The following ZNF385D variants were observed in gnomAD, a reference collection of about 807,000 sequenced individuals.
ZNF385D encodes the protein zinc finger protein 385D.
ZNF385D carries 15 observed loss-of-function variants against 35.8 expected under a neutral mutation model. The ratio of observed to expected loss-of-function variants is 0.42; its 90% CI spans 0.28 to 0.64. ZNF385D has a LOEUF of 0.64. ZNF385D is among the 30% of genes least tolerant of loss of function. The pLI is 0.23. For synonymous variants in ZNF385D, 212 were observed against 186.8 expected, an observed-to-expected ratio of 1.13 and a Z score of -1.10; for missense variants, 474 against 494.6, an observed-to-expected ratio of 0.96 and a Z score of 0.39.
intron 2 of ZNF385D, among the ~76,000 whole-genome samples, chr3:22,273,721 G>A (rs763643107): frequency 3.3e-5 from 5 of 152,002 alleles, no homozygotes; most frequent in African/African-American, 1.2e-4. Flanking sequence ...AAGAAAAACA[G>A]ACATATTTAC....
chr3:22,326,225 A>AGAATG (rs1235316013), intron 2 of ZNF385D, among the ~76,000 whole-genome samples: 1 of 152,214 alleles, frequency 6.6e-6, no homozygotes, highest in Non-Finnish European at 1.5e-5. Context: ...CTCAGATAAA[A>AGAATG]GAATGTCTCC....
At chr3:21,522,500 C>T (rs1156312545) in intron 3 of ZNF385D, among the ~76,000 whole-genome samples, 2 of 152,134 alleles carry the variant, frequency 1.3e-5, no homozygotes, top group Non-Finnish European at 2.9e-5. Context: ...CCACCACACC[C>T]AGCTAATTAT....
chr3:21,857,762 G>A (rs1696808969), intron 3 of ZNF385D, among the ~76,000 whole-genome samples: 1 of 151,992 alleles, frequency 6.6e-6, no homozygotes, highest in East Asian at 2.0e-4. Flanking sequence ...ACAACGGGAA[G>A]CAGAGGTCAA....
chr3:21,545,483 A>G (rs1238126959), intron 3 of ZNF385D, among the ~76,000 whole-genome samples: 1 of 152,218 alleles, frequency 6.6e-6, no homozygotes, highest in Non-Finnish European at 1.5e-5. Flanking sequence ...AAAGTTTTTT[A>G]ATAAATAAGG....
At chr3:22,260,061 C>G (rs1257131667) in intron 2 of ZNF385D, among the ~76,000 whole-genome samples, 1 of 151,876 alleles carries the variant, frequency 6.6e-6, no homozygotes, top group Non-Finnish European at 1.5e-5. Flanking sequence ...AAAACACAAT[C>G]AATTAGATTA....
chr3:21,522,690 T>C (rs577163210), intron 3 of ZNF385D, among the ~76,000 whole-genome samples: 1 of 152,208 alleles, frequency 6.6e-6, no homozygotes, highest in Admixed American at 6.5e-5. Context: ...CTAGATTAAC[T>C]CTTGGAGGGA....
chr3:21,583,125 A>AAATACAGTGCTGTTGGGTGAT (rs1397192373), intron 2 of ZNF385D, among the ~76,000 whole-genome samples: 5 of 152,132 alleles, frequency 3.3e-5, no homozygotes, highest in Admixed American at 3.3e-4. Context: ...GAAAAACACA[A>AAATACAGTGCTGTTGGGTGAT]AATACAGTGC....
chr3:21,444,453 C>T (rs1451332450), intron 4 of ZNF385D, among the ~76,000 whole-genome samples: 1 of 149,826 alleles, frequency 6.7e-6, no homozygotes, highest in Non-Finnish European at 1.5e-5. Flanking sequence ...GGCGCAATCC[C>T]GGCTCACTGC....
intron 3 of ZNF385D, among the ~76,000 whole-genome samples, chr3:22,163,558 T>C (rs941592362): frequency 6.6e-6 from 1 of 152,160 alleles, no homozygotes; most frequent in Non-Finnish European, 1.5e-5. Context: ...TAGTATATAA[T>C]AGACTATGCC....
intron 7 of ZNF385D, among the ~76,000 whole-genome samples, chr3:21,423,387 C>G (rs1700833501): frequency 6.6e-6 from 1 of 152,154 alleles, no homozygotes; most frequent in South Asian, 2.1e-4. Context: ...AGCTCTGAGT[C>G]TCTCTGATGA....
chr3:21,426,070 T>G (rs1302789006), intron 5 of ZNF385D, among the ~76,000 whole-genome samples: 1 of 152,190 alleles, frequency 6.6e-6, no homozygotes, highest in Non-Finnish European at 1.5e-5. Flanking sequence ...GTCATTTATT[T>G]GCTAAAGATA....
chr3:22,094,867 T>A (rs557743370), intron 3 of ZNF385D, among the ~76,000 whole-genome samples: 2 of 152,098 alleles, frequency 1.3e-5, no homozygotes, highest in Admixed American at 6.6e-5. Flanking sequence ...GCCTCATGGT[T>A]GCCAGATATT....
At position 21,489,229 on chromosome 3, in the gene ZNF385D, G is replaced by A. The variant is rs571275219; in HGVS notation, c.439+21632C>T. ...ACGTAGCAAAGTTAGAGTCTACACG[G>A]TCCAGGAAGCCCCAAAGAAAGACTG... On this transcript the variant is annotated intron_variant, in intron 4 of 7. Coordinates refer to ENST00000281523, the MANE Select transcript of ZNF385D (RefSeq NM_024697.3). 2.0e-4 allele frequency among the ~76,000 whole-genome samples: 30 copies of A among 152,188 alleles called. 1 individual carries two copies. In the South Asian group the frequency reaches 6.0e-3, roughly 31 times the overall value.
At chr3:21,994,919 T>C (rs1021815518) in intron 3 of ZNF385D, among the ~76,000 whole-genome samples, 2 of 152,206 alleles carry the variant, frequency 1.3e-5, no homozygotes, top group Non-Finnish European at 2.9e-5. Context: ...CATTGGGCAC[T>C]AGTGGCAACA....
At chr3:21,624,104 T>G (rs565892790) in intron 2 of ZNF385D, among the ~76,000 whole-genome samples, 35 of 152,228 alleles carry the variant, frequency 2.3e-4, no homozygotes, top group Middle Eastern at 3.4e-3. Context: ...CAGCTTCTTA[T>G]TCCCATTTCA....
At chr3:22,275,095 T>C (rs1487862990) in intron 2 of ZNF385D, among the ~76,000 whole-genome samples, 1 of 152,102 alleles carries the variant, frequency 6.6e-6, no homozygotes, top group Non-Finnish European at 1.5e-5. Context: ...CACACATAAC[T>C]AGTGGTAACA....
chr3:22,164,608 CT>C (rs5847166), intron 3 of ZNF385D, among the ~76,000 whole-genome samples: 352 of 138,202 alleles, frequency 2.5e-3, no homozygotes, highest in Admixed American at 3.1e-3. Context: ...CCCAAAGGGA[CT>C]TTTTTTTTTT....
intron 1 of ZNF385D, among the ~76,000 whole-genome samples, chr3:21,739,783 T>C (rs774892849): frequency 2.0e-5 from 3 of 152,154 alleles, no homozygotes; most frequent in Non-Finnish European, 4.4e-5. Flanking sequence ...TTTTCAGTAA[T>C]GGAAGGGAGT....
intron 2 of ZNF385D, among the ~76,000 whole-genome samples, chr3:22,222,247 G>C (rs556352702): frequency 4.2e-4 from 64 of 151,720 alleles, no homozygotes; most frequent in African/African-American, 1.5e-3. Context: ...GGGATAACAG[G>C]CATGAGCCAC....
Sources: gnomAD v4.1 joint callset for allele counts (sites outside exome capture counted in the v4.1 genomes callset) on GRCh38, gnomAD v4.1.1 for gene constraint, MANE v1.5 for transcripts, NCBI Gene and HGNC (gene_info 2026-07-23, HGNC 2026-07-21) for gene names.